RSRC1: variants seen among roughly 807,000 people sequenced by gnomAD.
RSRC1 encodes the protein serine/Arginine-related protein 53.
Under a neutral mutation model 49.1 loss-of-function variants are expected in RSRC1, and 39 were observed. That is an observed-to-expected ratio of 0.79 (90% CI 0.61 to 1.04). The LOEUF (loss-of-function observed/expected upper bound fraction) is 1.04. Among genes scored for constraint, RSRC1 ranks in the 50% least tolerant of loss-of-function variants. The probability of loss-of-function intolerance (pLI) is 0.00; values close to 1 mark genes in which losing one functional copy is unlikely to be tolerated. For synonymous variants in RSRC1, 143 were observed against 130.8 expected (o/e 1.09, Z -0.63); for missense variants, 388 against 402.4 (o/e 0.96, Z 0.31).
chr3:158,197,202 A>T (rs1289547673), intron 3 of RSRC1, among the ~76,000 whole-genome samples: 1 of 152,150 alleles, frequency 6.6e-6, no homozygotes, highest in Admixed American at 6.5e-5. Flanking sequence ...CTATTCAGGG[A>T]TTCAACTTCT....
At chr3:158,332,513 T>G (rs1729610438) in intron 5 of RSRC1, among the ~76,000 whole-genome samples, 1 of 152,192 alleles carries the variant, frequency 6.6e-6, no homozygotes, top group Non-Finnish European at 1.5e-5. Context: ...AAATATTTCT[T>G]GCAAAACTTA....
intron 7 of RSRC1, among the ~76,000 whole-genome samples, chr3:158,461,840 T>C (rs1737630941): frequency 6.6e-6 from 1 of 151,790 alleles, no homozygotes; most frequent in African/African-American, 2.4e-5. Context: ...ATCTGAAAGT[T>C]GAAATTTTTG....
intron 3 of RSRC1, among the ~76,000 whole-genome samples, chr3:158,177,172 G>C (rs1024495876): frequency 5.9e-5 from 9 of 152,166 alleles, no homozygotes; most frequent in African/African-American, 2.2e-4. Flanking sequence ...GGAGAAATAG[G>C]AACACTTTTA....
Position 158,122,182 on chromosome 3 carries a change from G to A in RSRC1, c.78G>A (p.Ser26=), listed in dbSNP as rs777256778. The A allele has an allele frequency of 2.5e-6, 4 of 1,603,972 alleles. No individual in the cohort carries two copies. Among genetic ancestry groups the A allele is most frequent in the East Asian group, 2.3e-5 (1 of 43,914 alleles). ...RKKKHRRRSS[S]SSSSDSRTYS... ...AGAAACACCGTAGACGGTCCTCCTC[G>A]AGCAGTTCTTCAGATAGTAGAACAT... The change falls in exon 2 of 10, where the codon TCG becomes TCA. Residue 26 remains serine (S), a synonymous_variant. Coordinates refer to ENST00000611884, the MANE Select transcript of RSRC1 (RefSeq NM_001271838.2).
intron 5 of RSRC1, 148 bp downstream of exon 5, chr3:158,298,223 T>TAA (rs1205691652): frequency 4.4e-5 from 25 of 562,712 alleles, no homozygotes; most frequent in Admixed American, 1.3e-4. Context: ...TGAAGGCACT[T>TAA]ACATTTTCAT....
intron 4 of RSRC1, among the ~76,000 whole-genome samples, chr3:158,248,601 C>CTT (rs35048391): frequency 2.2e-4 from 32 of 143,694 alleles, no homozygotes; most frequent in South Asian, 1.1e-3. Flanking sequence ...TTTGGATTAA[C>CTT]TTTTTTTTTT....
chr3:158,129,288 C>CTTTTTTTTTTT (rs71144439), intron 3 of RSRC1, among the ~76,000 whole-genome samples: 7 of 71,074 alleles, frequency 9.8e-5, no homozygotes, highest in Non-Finnish European at 1.5e-4. Flanking sequence ...TTCTTTCTTT[C>CTTTTTTTTTTT]TTTTTTTTTT....
chr3:158,365,682 C>G (rs766273825), intron 6 of RSRC1, among the ~76,000 whole-genome samples: 3 of 152,130 alleles, frequency 2.0e-5, no homozygotes, highest in Non-Finnish European at 4.4e-5. Context: ...ATTGCTGGGT[C>G]AAATGGGATT....
chr3:158,223,032 AC>A (rs1306640590), intron 4 of RSRC1, among the ~76,000 whole-genome samples: 1 of 151,640 alleles, frequency 6.6e-6, no homozygotes, highest in Non-Finnish European at 1.5e-5. Context: ...TTCTGTTCTT[AC>A]CACTCCGCTG....
rs545524286 is a variant in RSRC1 at position 158,466,275 on chromosome 3, T to G, written c.652+5272T>G. On this transcript the variant is annotated intron_variant, in intron 7 of 9. Transcript: ENST00000611884. ...CTCTTTATGGAATTGGAAGCCAATT[T>G]AGATCGCATTTTACTTATTTTCAGT... 3.3e-5 allele frequency among the ~76,000 whole-genome samples: 5 copies of G among 152,348 alleles called. No homozygotes were observed. In the South Asian group the frequency reaches 1.0e-3, roughly 32 times the overall value.
intron 4 of RSRC1, among the ~76,000 whole-genome samples, chr3:158,240,180 T>C (rs142759285): frequency 1.0e-3 from 156 of 152,282 alleles, no homozygotes; most frequent in African/African-American, 3.6e-3. Flanking sequence ...CTATTACAGT[T>C]ATTATTTTTT....
intron 5 of RSRC1, among the ~76,000 whole-genome samples, chr3:158,325,586 A>G (rs1032226175): frequency 6.6e-6 from 1 of 152,146 alleles, no homozygotes; most frequent in African/African-American, 2.4e-5. Context: ...CCATTGATCT[A>G]TATCTCTGTT....
chr3:158,458,213 G>A (rs554569154), intron 6 of RSRC1, among the ~76,000 whole-genome samples: 1 of 152,186 alleles, frequency 6.6e-6, no homozygotes, highest in East Asian at 1.9e-4. Flanking sequence ...TGACTAAGGA[G>A]GAGCAATATA....
At chr3:158,367,507 G>A (rs12639310) in intron 6 of RSRC1, among the ~76,000 whole-genome samples, 33,390 of 152,046 alleles carry the variant, frequency 0.22, 4,266 homozygotes, top group Non-Finnish European at 0.29. Flanking sequence ...TGGTGGATAC[G>A]CTTTTTGATG....
intron 7 of RSRC1, among the ~76,000 whole-genome samples, chr3:158,473,439 T>C (rs982347970): frequency 3.3e-5 from 5 of 152,066 alleles, no homozygotes; most frequent in South Asian, 4.2e-4. Context: ...TGCATGTTCT[T>C]ACTCATAGGT....
intron 6 of RSRC1, among the ~76,000 whole-genome samples, chr3:158,364,851 T>TAATAATAATAA (rs1731673595): frequency 1.9e-5 from 2 of 105,838 alleles, no homozygotes; most frequent in Admixed American, 9.9e-5. Context: ...AATAATAATA[T>TAATAATAATAA]GTACCTTGTA....
At chr3:158,180,411 T>TCCGTGTGTG in intron 3 of RSRC1, among the ~76,000 whole-genome samples, 1 of 82,226 alleles carries the variant, frequency 1.2e-5, no homozygotes. Flanking sequence ...TTTTTTTTTT[T>TCCGTGTGTG]TTTTTGCCGT....
chr3:158,184,579 C>A (rs1048855449), intron 3 of RSRC1, among the ~76,000 whole-genome samples: 1 of 152,046 alleles, frequency 6.6e-6, no homozygotes. Context: ...AACTTGTTCA[C>A]AGATTCGGAA....
intron 4 of RSRC1, among the ~76,000 whole-genome samples, chr3:158,248,811 T>A (rs1724049831): frequency 6.6e-6 from 1 of 152,162 alleles, no homozygotes; most frequent in Non-Finnish European, 1.5e-5. Flanking sequence ...TTGCCAGGGC[T>A]GGTCTCAAGC....
Sources: allele counts gnomAD v4.1 joint callset (sites outside exome capture counted in the v4.1 genomes callset), GRCh38; gene constraint gnomAD v4.1.1; transcripts MANE v1.5; gene names NCBI Gene and HGNC (gene_info 2026-07-23, HGNC 2026-07-21).